The following NFIA variants were observed in gnomAD, a reference collection of about 807,000 sequenced individuals.
NFIA encodes nuclear factor I A, also known as nuclear factor 1 A-type.
In NFIA, 8 loss-of-function variants were observed where a neutral mutation model predicts 62.8. The observed-to-expected ratio is 0.13, with a 90% CI of 0.07 to 0.23. The LOEUF (loss-of-function observed/expected upper bound fraction) is 0.23, where lower values mean the gene tolerates loss of function less well. Among genes scored for constraint, NFIA ranks in the 10% least tolerant of loss-of-function variants. The probability of loss-of-function intolerance (pLI) is 1.00; values close to 1 mark genes in which losing one functional copy is unlikely to be tolerated. For synonymous variants in NFIA, 235 were observed against 238.1 expected (o/e 0.99, Z 0.12); for missense variants, 410 against 642.1 (o/e 0.64, Z 3.91).
At chr1:61,149,927 C>T (rs1338636560) in intron 2 of NFIA, among the ~76,000 whole-genome samples, 1 of 152,126 alleles carries the variant, frequency 6.6e-6, no homozygotes, top group Non-Finnish European at 1.5e-5. Flanking sequence ...CAGGTAACCA[C>T]CAAGATCAGG....
intron 10 of NFIA, among the ~76,000 whole-genome samples, chr1:61,442,128 A>G (rs1667613233): frequency 6.6e-6 from 1 of 152,162 alleles, no homozygotes; most frequent in Admixed American, 6.5e-5. Context: ...CAGGCACGGA[A>G]TGAAGCCCTG....
At chr1:61,272,203 T>C (rs530580492) in intron 2 of NFIA, among the ~76,000 whole-genome samples, 4 of 152,368 alleles carry the variant, frequency 2.6e-5, no homozygotes, top group African/African-American at 4.8e-5. Flanking sequence ...GGTGTTGTAT[T>C]CATCAATGTT....
chr1:61,327,793 C>G (rs745579794), intron 3 of NFIA, among the ~76,000 whole-genome samples: 4 of 152,136 alleles, frequency 2.6e-5, no homozygotes, highest in Non-Finnish European at 5.9e-5. Context: ...AGTGGGATTG[C>G]TGGATCAAGT....
intron 7 of NFIA, among the ~76,000 whole-genome samples, chr1:61,387,137 A>G (rs1331270745): frequency 6.6e-6 from 1 of 152,196 alleles, no homozygotes; most frequent in Non-Finnish European, 1.5e-5. Context: ...TTCAGCCTAT[A>G]GCAGTGGTTA....
intron 2 of NFIA, among the ~76,000 whole-genome samples, chr1:61,145,875 C>T (rs912319093): frequency 6.6e-6 from 1 of 152,192 alleles, no homozygotes; most frequent in African/African-American, 2.4e-5. Flanking sequence ...GGTCAAGTCA[C>T]TGCCGATTTA....
chr1:61,126,474 A>ACT (rs1553153103), intron 2 of NFIA, among the ~76,000 whole-genome samples: 9 of 143,166 alleles, frequency 6.3e-5, no homozygotes, highest in Admixed American at 2.1e-4. Context: ...ACACACACAC[A>ACT]CTCACAGAAA....
intron 2 of NFIA, among the ~76,000 whole-genome samples, chr1:61,145,808 T>C (rs1647885173): frequency 1.3e-5 from 2 of 152,226 alleles, no homozygotes; most frequent in Non-Finnish European, 2.9e-5. Flanking sequence ...TCTTCATTAA[T>C]GAACGCTGTC....
rs368139522 is a variant in NFIA at position 61,462,024 on chromosome 1, G to GTTTTTTTTTTTTTTTTTTTTGGTT, written c.*6722_*6723insTTGGTTTTTTTTTTTTTTTTTTTT. The GTTTTTTTTTTTTTTTTTTTTGGTT allele has an allele frequency of 5.5e-5, 4 of 73,210 alleles. No homozygotes were observed. The highest frequency in any genetic ancestry group is 2.0e-4 in the African/African-American group (3 of 14,938). 4.5% of individuals were successfully genotyped at this position (73,210 alleles called of 1,614,324 possible). A position where few individuals can be genotyped will look rare whatever the true frequency, so the allele number is the denominator to read the frequency against. ...ATAGTCTGTAAGTTAGCCTTTTTGG[G>GTTTTTTTTTTTTTTTTTTTTGGTT]TTTTTTTTTTTTTTTTTTGGCTTTT... On this transcript the variant is annotated 3_prime_UTR_variant, in exon 11 of 11. Transcript: ENST00000403491.
At chr1:61,299,564 A>G (rs1359919476) in intron 3 of NFIA, among the ~76,000 whole-genome samples, 1 of 152,222 alleles carries the variant, frequency 6.6e-6, no homozygotes, top group Non-Finnish European at 1.5e-5. Flanking sequence ...CTGGCAACAC[A>G]GACTTCTGCA....
intron 2 of NFIA, among the ~76,000 whole-genome samples, chr1:61,143,298 A>G (rs1157704717): frequency 1.3e-5 from 2 of 152,224 alleles, no homozygotes; most frequent in African/African-American, 4.8e-5. Context: ...TGACCTTGAC[A>G]AACGTATGTT....
At chr1:61,319,443 C>T (rs1034142925) in intron 3 of NFIA, among the ~76,000 whole-genome samples, 1 of 152,114 alleles carries the variant, frequency 6.6e-6, no homozygotes, top group African/African-American at 2.4e-5. Flanking sequence ...CACCATATGT[C>T]ATACATTGTA....
At chr1:61,403,015 A>G (rs571352589) in intron 7 of NFIA, among the ~76,000 whole-genome samples, 4 of 152,228 alleles carry the variant, frequency 2.6e-5, no homozygotes, top group Admixed American at 2.6e-4. Context: ...TGTCTTACTG[A>G]GTTTCTCTTC....
At chr1:61,175,128 GATT>G (rs66989543) in intron 2 of NFIA, among the ~76,000 whole-genome samples, 109,212 of 149,934 alleles carry the variant, frequency 0.73, 40,744 homozygotes, top group Middle Eastern at 0.86. Flanking sequence ...TTTCTGTATT[GATT>G]ATTATTATTA....
intron 7 of NFIA, among the ~76,000 whole-genome samples, chr1:61,399,118 A>G (rs908053730): frequency 2.6e-5 from 4 of 152,194 alleles, no homozygotes; most frequent in Non-Finnish European, 4.4e-5. Context: ...CTTTCATCTA[A>G]AGAACATCTT....
chr1:61,303,595 G>A (rs78998442), intron 3 of NFIA, among the ~76,000 whole-genome samples: 3 of 152,236 alleles, frequency 2.0e-5, no homozygotes, highest in Non-Finnish European at 4.4e-5. Context: ...ACAGCAAGGT[G>A]AGCAGGAGAA....
chr1:61,449,080 A>G (rs1345800891), intron 10 of NFIA, among the ~76,000 whole-genome samples: 3 of 152,188 alleles, frequency 2.0e-5, no homozygotes, highest in Non-Finnish European at 4.4e-5. Flanking sequence ...AGCTTGTAGT[A>G]AGTAGGCAGC....
chr1:61,404,052 A>C, intron 7 of NFIA, 52 bp from the exon 8 acceptor site: 3 of 1,595,568 alleles, frequency 1.9e-6, no homozygotes, highest in Non-Finnish European at 2.6e-6. Context: ...GGGTTCAGCT[A>C]TGACAAAGCA....
At chr1:61,149,918 AG>A (rs1214210808) in intron 2 of NFIA, among the ~76,000 whole-genome samples, 2 of 152,204 alleles carry the variant, frequency 1.3e-5, no homozygotes, top group Non-Finnish European at 2.9e-5. Context: ...ACAAGCTTAC[AG>A]GTAACCACCA....
chr1:61,413,179 A>G (rs373057206), intron 9 of NFIA, among the ~76,000 whole-genome samples: 1 of 152,182 alleles, frequency 6.6e-6, no homozygotes, highest in South Asian at 2.1e-4. Context: ...AGAAGCATAT[A>G]ATAAGTTACC....
Sources: allele counts gnomAD v4.1 joint callset (sites outside exome capture counted in the v4.1 genomes callset), GRCh38; gene constraint gnomAD v4.1.1; transcripts MANE v1.5; gene names NCBI Gene and HGNC (gene_info 2026-07-23, HGNC 2026-07-21).